Variants in FRS2 observed in about 807,000 individuals in gnomAD.
FRS2 encodes fibroblast growth factor receptor substrate 2, also known as FGFR signalling adaptor.
FRS2 carries 8 observed loss-of-function variants against 43.9 expected under a neutral mutation model. The ratio of observed to expected loss-of-function variants is 0.18; its 90% CI spans 0.11 to 0.33. FRS2 has a LOEUF of 0.33. Ranked by LOEUF, FRS2 falls within the 10% of genes least tolerant of loss-of-function variation. FRS2 has a pLI of 1.00. For synonymous variants in FRS2, 219 were observed against 220.3 expected, an observed-to-expected ratio of 0.99 and a Z score of 0.05; for missense variants, 534 against 627.6, an observed-to-expected ratio of 0.85 and a Z score of 1.59.
At chr12:69,478,331 A>AT (rs1459892570) in intron 1 of FRS2, among the ~76,000 whole-genome samples, 1 of 152,210 alleles carries the variant, frequency 6.6e-6, no homozygotes, top group Non-Finnish European at 1.5e-5. Context: ...ATGCTGTTCA[A>AT]TATGGTGGCC....
At chr12:69,529,767 A>G (rs1876608138) in intron 1 of FRS2, among the ~76,000 whole-genome samples, 1 of 152,186 alleles carries the variant, frequency 6.6e-6, no homozygotes, top group Non-Finnish European at 1.5e-5. Flanking sequence ...GGTGCTTGAA[A>G]AATACCCGTA....
intron 1 of FRS2, among the ~76,000 whole-genome samples, chr12:69,512,195 G>C (rs776625070): frequency 1.5e-4 from 23 of 152,152 alleles, no homozygotes; most frequent in Non-Finnish European, 3.2e-4. Context: ...TTTTGATCTT[G>C]CACCTTATTT....
chr12:69,471,415 T>G (rs555983607), intron 1 of FRS2, among the ~76,000 whole-genome samples: 1 of 152,366 alleles, frequency 6.6e-6, no homozygotes, highest in East Asian at 1.9e-4. Context: ...TTTGTTTACC[T>G]TCATATTTGG....
At position 69,578,996 on chromosome 12, in the gene FRS2, T is replaced by A. The variant is rs1359776435; in HGVS notation, c.*4041T>A. On this transcript the variant is annotated 3_prime_UTR_variant, in exon 9 of 9. Transcript: ENST00000549921. ...TTAATGCTGTTTCAGATCAGCATTTTAAATTTTGGTTTGCATTTTTAATAT... is the reference window on the plus strand; with the variant it reads ...TTAATGCTGTTTCAGATCAGCATTTAAAATTTTGGTTTGCATTTTTAATAT... 6.6e-6 allele frequency: 1 copy of A among 152,666 alleles called. No individual in the cohort carries two copies. The highest frequency in any genetic ancestry group is 2.4e-5 in the African/African-American group (1 of 41,466). The allele number at this position is 152,666 out of a possible 1,614,324, so 9.5% of individuals were successfully genotyped here.
chr12:69,525,734 C>A (rs1876151932), intron 1 of FRS2, among the ~76,000 whole-genome samples: 1 of 151,722 alleles, frequency 6.6e-6, no homozygotes. Context: ...GCACCATAAA[C>A]TCAACCAAGT....
At chr12:69,470,756 CTGT>C (rs1870192781) in intron 1 of FRS2, among the ~76,000 whole-genome samples, 2 of 152,156 alleles carry the variant, frequency 1.3e-5, no homozygotes, top group Admixed American at 1.3e-4. Flanking sequence ...GTTCCCAGAG[CTGT>C]TGTTGCTGTT....
intron 1 of FRS2, among the ~76,000 whole-genome samples, chr12:69,487,359 A>G (rs1349666320): frequency 6.6e-6 from 1 of 152,224 alleles, no homozygotes; most frequent in Non-Finnish European, 1.5e-5. Context: ...AACATTTACC[A>G]TTCCAGAAGT....
At chr12:69,524,024 G>T (rs368374419) in intron 1 of FRS2, among the ~76,000 whole-genome samples, 1 of 152,216 alleles carries the variant, frequency 6.6e-6, no homozygotes, top group Non-Finnish European at 1.5e-5. Flanking sequence ...CAGCGCCGGG[G>T]TGCCAGCCTC....
At chr12:69,510,412 C>G (rs1330977017) in intron 1 of FRS2, among the ~76,000 whole-genome samples, 2 of 152,142 alleles carry the variant, frequency 1.3e-5, no homozygotes, top group African/African-American at 4.8e-5. Context: ...CCTCTTTCTT[C>G]CCTAAACTGT....
In FRS2 at chr12:69,477,752, A is replaced by T. The variant is rs1234947972; in HGVS notation, c.-261+7222A>T. On this transcript the variant is annotated intron_variant, in intron 1 of 8. Transcript: ENST00000549921. ...TATTTATTTATTTATTTATTTATTT[A>T]TTTTTTGAGACAGAGTCTCGCTCTG... is the stretch of plus-strand genomic sequence containing the variant. 6.7e-5 allele frequency among the ~76,000 whole-genome samples: 6 copies of T among 89,944 alleles called. No homozygotes were observed. In the East Asian group the frequency reaches 1.1e-3, roughly 16 times the overall value. 59.0% of individuals were successfully genotyped at this position (89,944 alleles called of 152,430 possible).
At chr12:69,512,613 T>C (rs1056280700) in intron 1 of FRS2, among the ~76,000 whole-genome samples, 3 of 152,200 alleles carry the variant, frequency 2.0e-5, no homozygotes, top group Non-Finnish European at 4.4e-5. Flanking sequence ...TGTTTAGGTA[T>C]ATGTTCTGAG....
chr12:69,574,856 C>T lies in FRS2; in HGVS notation c.1428C>T (p.Ile476=), dbSNP rs181005887. ...CAGAGCTGTATGCCGTGATAGACAT[C>T]GAGAGAACTGCTGCTATGTCAAATT... The part of the protein sequence containing the change: ...RRTELYAVID[I]ERTAAMSNLQ... Residue 476 remains isoleucine, a synonymous_variant, in exon 9 of 9, where the codon ATC becomes ATT. Transcript: ENST00000549921. 4.7e-4 allele frequency: 760 copies of T among 1,613,826 alleles called. 1 individual carries two copies. Among genetic ancestry groups the T allele is most frequent in the Non-Finnish European group, 2.6e-4 (307 of 1,179,830 alleles).
intron 1 of FRS2, among the ~76,000 whole-genome samples, chr12:69,496,358 A>G (rs1872894974): frequency 1.3e-5 from 2 of 151,922 alleles, no homozygotes; most frequent in Non-Finnish European, 1.5e-5. Flanking sequence ...AATTGCTTGA[A>G]CCGGCGAGGC....
chr12:69,547,881 C>G (rs1405486758), intron 3 of FRS2, among the ~76,000 whole-genome samples: 2 of 130,060 alleles, frequency 1.5e-5, no homozygotes, highest in African/African-American at 5.6e-5. Context: ...TGCTTTCTCA[C>G]CCAGGCTAGA....
intron 1 of FRS2, among the ~76,000 whole-genome samples, chr12:69,477,210 T>A (rs1870869597): frequency 6.6e-6 from 1 of 151,932 alleles, no homozygotes; most frequent in South Asian, 2.1e-4. Flanking sequence ...TTTTATATTT[T>A]AAAATTTATA....
intron 1 of FRS2, among the ~76,000 whole-genome samples, chr12:69,498,073 A>AT (rs1470774341): frequency 4.0e-5 from 6 of 151,474 alleles, no homozygotes; most frequent in Admixed American, 1.3e-4. Flanking sequence ...ATTTTCTCTC[A>AT]TTTTTTTATG....
intron 1 of FRS2, among the ~76,000 whole-genome samples, chr12:69,477,183 T>A (rs1158776306): frequency 6.6e-6 from 1 of 152,064 alleles, no homozygotes; most frequent in African/African-American, 2.4e-5. Flanking sequence ...AAATTGAAGT[T>A]TTTGATGCCT....
intron 1 of FRS2, among the ~76,000 whole-genome samples, chr12:69,508,281 A>G (rs2135565355): frequency 6.6e-6 from 1 of 152,282 alleles, no homozygotes; most frequent in South Asian, 2.1e-4. Context: ...AAATAATGTA[A>G]GCTTTTATAA....
At chr12:69,491,668 C>T (rs1872510936) in intron 1 of FRS2, 1 of 151,816 alleles carries the variant, frequency 6.6e-6, no homozygotes, top group Non-Finnish European at 1.5e-5. Flanking sequence ...ACCTCCATTT[C>T]CAGCTAAGTT....
Sources: gnomAD v4.1 joint callset for allele counts (sites outside exome capture counted in the v4.1 genomes callset) on GRCh38, gnomAD v4.1.1 for gene constraint, MANE v1.5 for transcripts, NCBI Gene and HGNC (gene_info 2026-07-23, HGNC 2026-07-21) for gene names.